Variants in MEIS1 observed in about 807,000 individuals in gnomAD.
The protein encoded by MEIS1 is Meis homeobox 1.
A neutral mutation model predicts 50.8 loss-of-function variants in MEIS1; 5 were observed. That is an observed-to-expected ratio of 0.10 (90% CI 0.05 to 0.21). The LOEUF (loss-of-function observed/expected upper bound fraction) is 0.21, where lower values mean the gene tolerates loss of function less well. MEIS1 is among the 10% of genes least tolerant of loss of function. The pLI is 1.00. For missense variants in MEIS1, 318 were observed against 517.3 expected (o/e 0.61, Z 3.74); for synonymous variants, 176 against 179.3 (o/e 0.98, Z 0.15).
intron 8 of MEIS1, among the ~76,000 whole-genome samples, chr2:66,522,545 T>G (rs1424055945): frequency 6.6e-6 from 1 of 152,236 alleles, no homozygotes; most frequent in Admixed American, 6.5e-5. Flanking sequence ...TTTGACTTCT[T>G]TCACACAACT....
chr2:66,481,237 ATG>A (rs1673008164), intron 7 of MEIS1, among the ~76,000 whole-genome samples: 1 of 152,180 alleles, frequency 6.6e-6, no homozygotes, highest in African/African-American at 2.4e-5. Flanking sequence ...TGGCAAGGGC[ATG>A]AATTGTTTGT....
intron 6 of MEIS1, among the ~76,000 whole-genome samples, chr2:66,457,638 C>G (rs1308718928): frequency 6.6e-6 from 1 of 152,196 alleles, no homozygotes; most frequent in African/African-American, 2.4e-5. Context: ...CCGAAAAACA[C>G]TGTTTAGACA....
chr2:66,448,167 G>A (rs1157842773), intron 6 of MEIS1, among the ~76,000 whole-genome samples: 1 of 152,122 alleles, frequency 6.6e-6, no homozygotes, highest in Non-Finnish European at 1.5e-5. Context: ...ATTAAAATGT[G>A]GGCCGGGCTT....
At chr2:66,489,045 T>C (rs1461066639) in intron 7 of MEIS1, among the ~76,000 whole-genome samples, 4 of 152,216 alleles carry the variant, frequency 2.6e-5, no homozygotes, top group Non-Finnish European at 5.9e-5. Flanking sequence ...ATGGGATGTA[T>C]TATTTGAACC....
chr2:66,456,463 G>T (rs1016564891), intron 6 of MEIS1, among the ~76,000 whole-genome samples: 2 of 152,200 alleles, frequency 1.3e-5, no homozygotes, highest in African/African-American at 4.8e-5. Context: ...ATATGACAGG[G>T]CTGGAACTGT....
At chr2:66,450,392 G>A (rs1672250091) in intron 6 of MEIS1, among the ~76,000 whole-genome samples, 1 of 152,094 alleles carries the variant, frequency 6.6e-6, no homozygotes, top group Non-Finnish European at 1.5e-5. Flanking sequence ...AGGATCACTT[G>A]TGCTGAGGAG....
intron 6 of MEIS1, among the ~76,000 whole-genome samples, chr2:66,461,021 C>T (rs1258843518): frequency 6.6e-6 from 1 of 152,126 alleles, no homozygotes; most frequent in African/African-American, 2.4e-5. Flanking sequence ...GCAGCCATTG[C>T]TTACTCTGAA....
intron 6 of MEIS1, among the ~76,000 whole-genome samples, chr2:66,458,419 G>A (rs1188141460): frequency 6.6e-6 from 1 of 152,130 alleles, no homozygotes; most frequent in Non-Finnish European, 1.5e-5. Context: ...TGTGCACGAA[G>A]CCAGCTCAGG....
At chr2:66,472,977 C>T (rs762508845) in intron 7 of MEIS1, among the ~76,000 whole-genome samples, 4 of 152,080 alleles carry the variant, frequency 2.6e-5, no homozygotes, top group Non-Finnish European at 5.9e-5. Flanking sequence ...GATACCTTAT[C>T]AGAGTAATAT....
intron 6 of MEIS1, among the ~76,000 whole-genome samples, chr2:66,458,673 C>T (rs1672450687): frequency 6.6e-6 from 1 of 152,136 alleles, no homozygotes; most frequent in South Asian, 2.1e-4. Flanking sequence ...ATGTAAGTGG[C>T]CCAATCAAGT....
chr2:66,501,375 C>T (rs1277619882), intron 7 of MEIS1, among the ~76,000 whole-genome samples: 1 of 151,910 alleles, frequency 6.6e-6, no homozygotes, highest in Admixed American at 6.6e-5. Context: ...TTGCAGTGTA[C>T]TCACATCCTG....
chr2:66,435,546 C>T lies in MEIS1; in HGVS notation c.-311C>T. The T allele has an allele frequency of 2.9e-6, 1 of 346,526 alleles. No homozygotes were observed. The highest frequency in any genetic ancestry group is 5.1e-6 in the Non-Finnish European group (1 of 197,686). The allele number at this position is 346,526 out of a possible 1,614,324, so 21.5% of individuals were successfully genotyped here. On this transcript the variant is annotated 5_prime_UTR_variant, in exon 1 of 13. Coordinates refer to ENST00000272369, the MANE Select transcript of MEIS1 (RefSeq NM_002398.3). ...GAGGGGCGCTCTTTTTTTTCCTTTT[C>T]TTTCTTTCTTTCTTTTTTTTTTTTT...
intron 8 of MEIS1, among the ~76,000 whole-genome samples, chr2:66,541,839 G>T (rs1225378053): frequency 6.6e-6 from 1 of 152,216 alleles, no homozygotes; most frequent in Non-Finnish European, 1.5e-5. Context: ...TTCTGCGACT[G>T]CACGGTGCAC....
Position 66,495,080 on chromosome 2 carries a change from C to CTTTTTTTTTTTTTTTTTTTTTTTT in MEIS1, c.743-17064_743-17041dup, listed in dbSNP as rs70943701. Among the ~76,000 whole-genome samples, 3 of 91,492 alleles carry CTTTTTTTTTTTTTTTTTTTTTTTT rather than the reference C, an allele frequency of 3.3e-5. 1 individual carries two copies. Among genetic ancestry groups the CTTTTTTTTTTTTTTTTTTTTTTTT allele is most frequent in the Non-Finnish European group, 2.1e-5 (1 of 48,552 alleles). The allele number at this position is 91,492 out of a possible 152,430, so 60.0% of individuals were successfully genotyped here. On this transcript the variant is annotated intron_variant, in intron 7 of 12. Coordinates refer to ENST00000272369, the MANE Select transcript of MEIS1 (RefSeq NM_002398.3). ...GAATGCCCACTTTCCCTCTTCTGAC[C>CTTTTTTTTTTTTTTTTTTTTTTTT]TTTTTTTTTTTTTTTTTTTTTTTTT...
chr2:66,500,839 T>TACAC (rs148204871), intron 7 of MEIS1, among the ~76,000 whole-genome samples: 2,653 of 152,352 alleles, frequency 0.017, 75 homozygotes, highest in African/African-American at 0.061. Flanking sequence ...TGTTTGTATA[T>TACAC]ACACACATAT....
Position 66,435,742 on chromosome 2 carries a change from G to A in MEIS1, c.-115G>A. On this transcript the variant is annotated 5_prime_UTR_variant, in exon 1 of 13. Transcript: ENST00000272369. ...GAGACGTTAAGGGATTTTTCGTCGT[G>A]CTTTTTTTTTTTTTTTTTTTTTTTT... is the stretch of plus-strand genomic sequence containing the variant. 1 of 705,712 alleles carries A rather than the reference G, an allele frequency of 1.4e-6. No homozygotes were observed. Among genetic ancestry groups the A allele is most frequent in the Non-Finnish European group, 2.1e-6 (1 of 484,808 alleles). 43.7% of individuals were successfully genotyped at this position (705,712 alleles called of 1,614,324 possible).
At chr2:66,565,759 T>A (rs543139744) in intron 9 of MEIS1, among the ~76,000 whole-genome samples, 1 of 152,176 alleles carries the variant, frequency 6.6e-6, no homozygotes, top group East Asian at 1.9e-4. Flanking sequence ...CCTCTAAGAG[T>A]CTGCAGATAA....
At chr2:66,468,769 C>A (rs958107750) in intron 7 of MEIS1, among the ~76,000 whole-genome samples, 140 of 152,322 alleles carry the variant, frequency 9.2e-4, no homozygotes, top group Middle Eastern at 3.4e-3. Context: ...GGTGACCTAG[C>A]TGTGAATAAG....
chr2:66,533,095 G>C (rs1674433199), intron 8 of MEIS1, among the ~76,000 whole-genome samples: 1 of 152,158 alleles, frequency 6.6e-6, no homozygotes, highest in African/African-American at 2.4e-5. Flanking sequence ...GCAAGGGCGA[G>C]TTCTCACTCT....
Sources: allele counts gnomAD v4.1 joint callset (sites outside exome capture counted in the v4.1 genomes callset), GRCh38; gene constraint gnomAD v4.1.1; transcripts MANE v1.5; gene names NCBI Gene and HGNC (gene_info 2026-07-23, HGNC 2026-07-21).